MCC: variants seen among roughly 807,000 people sequenced by gnomAD.
MCC encodes the protein colorectal mutant cancer protein.
Under a neutral mutation model 116.2 loss-of-function variants are expected in MCC, and 90 were observed. The ratio of observed to expected loss-of-function variants is 0.77; its 90% confidence interval spans 0.65 to 0.92. MCC has a LOEUF of 0.92. MCC is among the 40% of genes least tolerant of loss of function. MCC has a pLI of 0.00. For synonymous variants in MCC, 578 were observed against 510.5 expected (o/e 1.13, Z -1.78); for missense variants, 1,516 against 1,312.2 (o/e 1.16, Z -2.40).
chr5:113,292,253 T>C (rs1057305185), intron 3 of MCC, among the ~76,000 whole-genome samples: 2 of 151,738 alleles, frequency 1.3e-5, no homozygotes, highest in African/African-American at 4.8e-5. Flanking sequence ...TAAATAAAAA[T>C]TTAAAAAATT....
chr5:113,204,624 C>CA (rs1762831938), intron 3 of MCC: 1 of 152,238 alleles, frequency 6.6e-6, no homozygotes, highest in Non-Finnish European at 1.5e-5. Context: ...AGAGAGCGAG[C>CA]AGGCCCTGAG....
intron 1 of MCC, among the ~76,000 whole-genome samples, chr5:113,399,448 G>GCA (rs1769620529): frequency 6.6e-6 from 1 of 152,116 alleles, no homozygotes; most frequent in South Asian, 2.1e-4. Flanking sequence ...TTGTGCCACT[G>GCA]CACTCCAGCC....
rs1211756981 is a variant in MCC, at chr5:113,023,232, A to G, written c.*4070T>C. 6.6e-6 allele frequency: 1 copy of G among 152,224 alleles called. No homozygotes were observed. Among genetic ancestry groups the G allele is most frequent in the Non-Finnish European group, 1.5e-5 (1 of 68,032 alleles). 9.4% of individuals were successfully genotyped at this position (152,224 alleles called of 1,614,324 possible). A position where few individuals can be genotyped will look rare whatever the true frequency, so the allele number is the denominator to read the frequency against. On this transcript the variant is annotated 3_prime_UTR_variant, in exon 19 of 19. Coordinates refer to ENST00000408903, the MANE Select transcript of MCC (RefSeq NM_001085377.2). ...ACTTTAACCTGACCTACATGAACAT[A>G]AGATTTGTAGGATGTGGATAAACTT...
intron 1 of MCC, among the ~76,000 whole-genome samples, chr5:113,425,838 C>T (rs10057264): frequency 0.12 from 17,713 of 151,680 alleles, 1,811 homozygotes; most frequent in African/African-American, 0.28. Context: ...TGTATAACCT[C>T]GTTCACCATG....
intron 3 of MCC, among the ~76,000 whole-genome samples, chr5:113,293,465 T>C (rs780525371): frequency 2.0e-5 from 3 of 152,186 alleles, no homozygotes; most frequent in East Asian, 3.8e-4. Context: ...ACCAAGCCTC[T>C]AGCTGTAGAC....
chr5:113,463,768 C>A (rs539339720), intron 1 of MCC, among the ~76,000 whole-genome samples: 137 of 152,236 alleles, frequency 9.0e-4, no homozygotes, highest in African/African-American at 3.2e-3. Context: ...GAGTCACTGT[C>A]ACATACAAAG....
intron 3 of MCC, among the ~76,000 whole-genome samples, chr5:113,316,697 C>G (rs949831275): frequency 6.6e-6 from 1 of 152,098 alleles, no homozygotes; most frequent in Non-Finnish European, 1.5e-5. Flanking sequence ...TTCTATTACA[C>G]CTGATGCCCA....
At chr5:113,410,054 C>T (rs868735296) in intron 1 of MCC, among the ~76,000 whole-genome samples, 7 of 152,104 alleles carry the variant, frequency 4.6e-5, no homozygotes, top group African/African-American at 1.7e-4. Flanking sequence ...GTCTATGTAA[C>T]GGAATTTATT....
At chr5:113,075,065 G>A (rs1313150675) in intron 11 of MCC, among the ~76,000 whole-genome samples, 2 of 152,202 alleles carry the variant, frequency 1.3e-5, no homozygotes, top group African/African-American at 2.4e-5. Context: ...AGGGAGAGGT[G>A]CGTGGCACTC....
intron 14 of MCC, among the ~76,000 whole-genome samples, chr5:113,063,155 G>A (rs373990970): frequency 5.3e-5 from 8 of 152,292 alleles, no homozygotes; most frequent in Middle Eastern, 3.4e-3. Flanking sequence ...AGTCTTTCAC[G>A]ATTTGGCAAT....
intron 3 of MCC, among the ~76,000 whole-genome samples, chr5:113,212,621 CTATCATTT>C (rs1171604617): frequency 6.6e-6 from 1 of 152,208 alleles, no homozygotes; most frequent in East Asian, 1.9e-4. Context: ...ACAAAATTCT[CTATCATTT>C]TAGGCAACAC....
intron 1 of MCC, among the ~76,000 whole-genome samples, chr5:113,389,895 G>C (rs17135601): frequency 0.032 from 4,911 of 152,238 alleles, 109 homozygotes; most frequent in East Asian, 0.076. Context: ...CACATGGGAT[G>C]CTCAGTAAGT....
intron 3 of MCC, among the ~76,000 whole-genome samples, chr5:113,210,009 C>T (rs917920323): frequency 2.6e-5 from 4 of 152,156 alleles, no homozygotes; most frequent in Non-Finnish European, 5.9e-5. Flanking sequence ...ATGGTCTCCA[C>T]CTGACTTAAA....
chr5:113,462,148 A>G (rs1561585120), intron 1 of MCC, among the ~76,000 whole-genome samples: 1 of 152,242 alleles, frequency 6.6e-6, no homozygotes, highest in Admixed American at 6.5e-5. Flanking sequence ...AAAATACTTT[A>G]AAACTAGTTG....
intron 3 of MCC, among the ~76,000 whole-genome samples, chr5:113,263,136 C>T (rs929688301): frequency 2.0e-4 from 30 of 152,178 alleles, no homozygotes; most frequent in Admixed American, 6.5e-5. Context: ...AAGACTGGCC[C>T]TAATAAGCAG....
At chr5:113,189,888 T>C (rs1474203626) in intron 3 of MCC, among the ~76,000 whole-genome samples, 5 of 152,172 alleles carry the variant, frequency 3.3e-5, no homozygotes, top group African/African-American at 4.8e-5. Context: ...AGTGAAGCTA[T>C]ATAACATTCC....
intron 2 of MCC, among the ~76,000 whole-genome samples, chr5:113,356,965 CTCTT>C (rs1357978175): frequency 2.6e-5 from 4 of 152,196 alleles, no homozygotes; most frequent in African/African-American, 9.7e-5. Context: ...GACATTTTCT[CTCTT>C]TCAGCTTAAT....
At chr5:113,248,036 T>G (rs1297172903) in intron 3 of MCC, among the ~76,000 whole-genome samples, 1 of 151,514 alleles carries the variant, frequency 6.6e-6, no homozygotes, top group Non-Finnish European at 1.5e-5. Context: ...GTTAGGGGGC[T>G]GGAAGAAGCA....
intron 1 of MCC, among the ~76,000 whole-genome samples, chr5:113,439,967 A>T (rs1268088841): frequency 6.6e-6 from 1 of 151,924 alleles, no homozygotes. Flanking sequence ...TGGCCTCAAG[A>T]CCTCACTGTA....
Sources: gnomAD v4.1 joint callset for allele counts (sites outside exome capture counted in the v4.1 genomes callset) on GRCh38, gnomAD v4.1.1 for gene constraint, MANE v1.5 for transcripts, NCBI Gene and HGNC (gene_info 2026-07-23, HGNC 2026-07-21) for gene names.